FER: variants seen among roughly 807,000 people sequenced by gnomAD.
FER encodes the protein FER tyrosine kinase.
In FER, 63 loss-of-function variants were observed where a neutral mutation model predicts 111.0. The observed-to-expected ratio is 0.57, with a 90% confidence interval of 0.46 to 0.70. The LOEUF is 0.70. Ranked by LOEUF, FER falls within the 30% of genes least tolerant of loss-of-function variation. The pLI is 0.00. For missense variants in FER, 914 were observed against 954.0 expected, an observed-to-expected ratio of 0.96 and a Z score of 0.55; for synonymous variants, 327 against 313.9, an observed-to-expected ratio of 1.04 and a Z score of -0.44.
rs1365798666 is a variant in FER, at chr5:109,146,215, TATATATATTATCTATCTA to T, written c.2049-34523_2049-34506del. 6.3e-4 allele frequency among the ~76,000 whole-genome samples: 88 copies of T among 138,930 alleles called. 6 individuals carry two copies. Among genetic ancestry groups the T allele is most frequent in the African/African-American group, 2.1e-3 (80 of 37,360 alleles). The allele number at this position is 138,930 out of a possible 152,430, so 91.1% of individuals were successfully genotyped here. A position where few individuals can be genotyped will look rare whatever the true frequency, so the allele number is the denominator to read the frequency against. On this transcript the variant is annotated intron_variant, in intron 17 of 19. Transcript: ENST00000281092. ...ATATATATAATCTATCTATTTTATA[TATATATATTATCTATCTA>T]ATATATATATAATCTATCTAATATA...
chr5:109,153,438 T>C (rs916506441), intron 17 of FER, among the ~76,000 whole-genome samples: 2 of 151,836 alleles, frequency 1.3e-5, no homozygotes, highest in African/African-American at 4.8e-5. Flanking sequence ...GCAACAAAAT[T>C]CATTCTAAAA....
intron 17 of FER, among the ~76,000 whole-genome samples, chr5:109,178,989 A>G (rs1758002772): frequency 6.6e-6 from 1 of 152,098 alleles, no homozygotes; most frequent in South Asian, 2.1e-4. Context: ...CTTTTGTTAG[A>G]TTTATTTTTA....
intron 18 of FER, among the ~76,000 whole-genome samples, chr5:109,183,588 C>T (rs1463476418): frequency 1.3e-5 from 2 of 152,136 alleles, no homozygotes; most frequent in Admixed American, 6.5e-5. Flanking sequence ...TATACTCTTT[C>T]TTCACTCTTG....
At chr5:108,765,991 A>G (rs559723727) in intron 1 of FER, among the ~76,000 whole-genome samples, 54 of 151,486 alleles carry the variant, frequency 3.6e-4, no homozygotes, top group African/African-American at 1.3e-3. Flanking sequence ...GTGCAGTGGC[A>G]CAATCATTGT....
intron 10 of FER, among the ~76,000 whole-genome samples, chr5:108,941,207 G>A (rs1756222018): frequency 6.6e-6 from 1 of 152,132 alleles, no homozygotes; most frequent in African/African-American, 2.4e-5. Context: ...TGAAGGCTGT[G>A]GCAATTGATT....
Position 108,854,759 on chromosome 5 carries a change from A to G in FER, c.482-13008A>G, listed in dbSNP as rs562389192. Among the ~76,000 whole-genome samples the G allele has an allele frequency of 3.3e-5, 5 of 152,190 alleles. No homozygotes were observed. In the East Asian group the frequency reaches 5.8e-4, roughly 18 times the overall value. ...AAGACCAACCTGGCCACTGGCCATC[A>G]TGGTGAAACCGTGTCTCTACTAAAA... On this transcript the variant is annotated intron_variant, in intron 5 of 19. Transcript: ENST00000281092.
At chr5:108,909,886 C>T (rs1269854718) in intron 10 of FER, among the ~76,000 whole-genome samples, 1 of 151,032 alleles carries the variant, frequency 6.6e-6, no homozygotes, top group African/African-American at 2.4e-5. Context: ...ACTTATGCTA[C>T]ATAAAGAGGA....
intron 10 of FER, among the ~76,000 whole-genome samples, chr5:108,910,578 A>G (rs1751404788): frequency 6.6e-6 from 1 of 152,152 alleles, no homozygotes; most frequent in African/African-American, 2.4e-5. Flanking sequence ...TAGTATACCC[A>G]TCACCCAAAT....
intron 13 of FER, among the ~76,000 whole-genome samples, chr5:109,002,027 C>T (rs559808923): frequency 0.11 from 17,196 of 151,188 alleles, 1,036 homozygotes; most frequent in Middle Eastern, 0.16. Context: ...GAATCAATAT[C>T]GTGAAAATGG....
At chr5:108,985,187 T>G (rs1762426467) in intron 13 of FER, among the ~76,000 whole-genome samples, 1 of 152,172 alleles carries the variant, frequency 6.6e-6, no homozygotes, top group Admixed American at 6.5e-5. Flanking sequence ...TAAAATTGTT[T>G]TTAAAAATAA....
chr5:108,924,360 CA>C (rs59469649), intron 10 of FER, among the ~76,000 whole-genome samples: 10,213 of 98,848 alleles, frequency 0.1, 348 homozygotes, highest in Non-Finnish European at 0.14. Flanking sequence ...AACTCTGTCT[CA>C]AAAAAAAAAA....
chr5:109,176,428 A>T (rs911524112), intron 17 of FER, among the ~76,000 whole-genome samples: 2 of 152,184 alleles, frequency 1.3e-5, no homozygotes, highest in African/African-American at 4.8e-5. Flanking sequence ...AGCTAAAAAA[A>T]TCGAGCTCAT....
intron 17 of FER, among the ~76,000 whole-genome samples, chr5:109,175,880 G>A (rs1248756222): frequency 7.9e-5 from 12 of 152,278 alleles, no homozygotes; most frequent in East Asian, 1.9e-4. Context: ...TTGGGAGGCC[G>A]AGGTGGGAGA....
At chr5:108,875,324 T>G (rs1222234710) in intron 8 of FER, among the ~76,000 whole-genome samples, 3 of 152,110 alleles carry the variant, frequency 2.0e-5, no homozygotes, top group Non-Finnish European at 4.4e-5. Flanking sequence ...GGCTTAAATC[T>G]GAGGTTACTT....
intron 13 of FER, among the ~76,000 whole-genome samples, chr5:108,993,178 C>T (rs1166137384): frequency 1.3e-5 from 2 of 152,182 alleles, no homozygotes; most frequent in Non-Finnish European, 2.9e-5. Context: ...TTTGGGAGGC[C>T]AAGGCAGGCG....
intron 5 of FER, among the ~76,000 whole-genome samples, chr5:108,847,061 T>C (rs966634295): frequency 4.6e-5 from 7 of 151,766 alleles, no homozygotes; most frequent in South Asian, 2.1e-4. Context: ...GTTTGCACTT[T>C]TTCTGTTTTT....
intron 13 of FER, among the ~76,000 whole-genome samples, chr5:109,028,072 A>G (rs967864012): frequency 6.6e-6 from 1 of 152,180 alleles, no homozygotes. Context: ...TCATTTATCT[A>G]GTGGAAATAA....
At chr5:109,165,709 A>G (rs1275114553) in intron 17 of FER, among the ~76,000 whole-genome samples, 2 of 151,954 alleles carry the variant, frequency 1.3e-5, no homozygotes, top group Non-Finnish European at 2.9e-5. Context: ...ATCTATGACT[A>G]TTCATGAGGG....
chr5:109,192,134 G>C lies in FER; in HGVS notation c.*4559G>C, dbSNP rs1193018236. The C allele has an allele frequency of 6.6e-6, 1 of 152,180 alleles. No homozygotes were observed. Among genetic ancestry groups the C allele is most frequent in the Non-Finnish European group, 1.5e-5 (1 of 68,024 alleles). 9.4% of individuals were successfully genotyped at this position (152,180 alleles called of 1,614,324 possible). ...GTGGCAGAAAAATCCTGGTGTGCTAGATTCTTAGTCACTTTAAACTGCATA... is the reference window on the plus strand; with the variant it reads ...GTGGCAGAAAAATCCTGGTGTGCTACATTCTTAGTCACTTTAAACTGCATA... On this transcript the variant is annotated 3_prime_UTR_variant, in exon 20 of 20. Transcript: ENST00000281092.
Sources: gnomAD v4.1 joint callset for allele counts (sites outside exome capture counted in the v4.1 genomes callset) on GRCh38, gnomAD v4.1.1 for gene constraint, MANE v1.5 for transcripts, NCBI Gene and HGNC (gene_info 2026-07-23, HGNC 2026-07-21) for gene names.